Variants in KDM4C observed in about 807,000 individuals in gnomAD.
The protein encoded by KDM4C is lysine demethylase 4C.
Under a neutral mutation model 129.3 loss-of-function variants are expected in KDM4C, and 81 were observed. The observed-to-expected ratio is 0.63, with a 90% CI of 0.52 to 0.75. The LOEUF (loss-of-function observed/expected upper bound fraction) is 0.75, where lower values mean the gene tolerates loss of function less well. Among genes scored for constraint, KDM4C ranks in the 30% least tolerant of loss-of-function variants. The probability of loss-of-function intolerance (pLI) is 0.00; values close to 1 mark genes in which losing one functional copy is unlikely to be tolerated. For missense variants in KDM4C, 1,457 were observed against 1,304.0 expected (o/e 1.12, Z -1.81); for synonymous variants, 573 against 456.1 (o/e 1.26, Z -3.26).
rs1056100628 is a variant in KDM4C at position 6,927,095 on chromosome 9, C to T, written c.921+33863C>T. 2.1e-5 allele frequency among the ~76,000 whole-genome samples: 3 copies of T among 143,766 alleles called. No homozygotes were observed. In the Admixed American group the frequency reaches 2.1e-4, roughly 10 times the overall value. The allele number at this position is 143,766 out of a possible 152,430, so 94.3% of individuals were successfully genotyped here. On this transcript the variant is annotated intron_variant, in intron 8 of 21. Coordinates refer to ENST00000381309, the MANE Select transcript of KDM4C (RefSeq NM_015061.6). The stretch of plus-strand genomic sequence containing the variant: ...TATCCTTTCAAAAAAAATTTTCTAT[C>T]TATCTATCTATCTATCTATCTATCT...
chr9:6,996,868 A>G (rs1176250899), intron 12 of KDM4C, among the ~76,000 whole-genome samples: 2 of 152,244 alleles, frequency 1.3e-5, no homozygotes, highest in African/African-American at 4.8e-5. Context: ...ATATTTGGCC[A>G]AACAAGTGTT....
chr9:6,987,146 A>G lies in KDM4C; in HGVS notation c.1677+480A>G, dbSNP rs146416085. Among the ~76,000 whole-genome samples the G allele has an allele frequency of 3.1e-3, 468 of 152,268 alleles. 4 individuals carry two copies. Among genetic ancestry groups the G allele is most frequent in the African/African-American group, 9.8e-3 (408 of 41,558 alleles). On this transcript the variant is annotated intron_variant, in intron 11 of 21. Transcript: ENST00000381309. ...ACTGATCACTTTCTGCCAATAGTTA[A>G]TACCTCCTGGTCCCAGCCTTCCCAC...
chr9:6,754,094 T>G (rs948401555), upstream of KDM4C, among the ~76,000 whole-genome samples: 4 of 152,014 alleles, frequency 2.6e-5, no homozygotes, highest in African/African-American at 9.7e-5. Flanking sequence ...CAGGATGGTC[T>G]CGATCTCCTG....
chr9:6,813,024 A>C (rs760220634), intron 3 of KDM4C, among the ~76,000 whole-genome samples: 1 of 151,976 alleles, frequency 6.6e-6, no homozygotes, highest in Non-Finnish European at 1.5e-5. Context: ...AAAAATACAA[A>C]ATTAGCCAGG....
At chr9:7,076,025 G>A (rs904243772) in intron 17 of KDM4C, among the ~76,000 whole-genome samples, 4 of 152,120 alleles carry the variant, frequency 2.6e-5, no homozygotes, top group African/African-American at 9.7e-5. Context: ...GAACATTTAT[G>A]GCATGTGAGC....
At chr9:6,844,272 A>G (rs1316295885) in intron 4 of KDM4C, among the ~76,000 whole-genome samples, 1 of 150,386 alleles carries the variant, frequency 6.6e-6, no homozygotes, top group Non-Finnish European at 1.5e-5. Flanking sequence ...AAGTTTTTCT[A>G]ATTTACACTA....
intron 1 of KDM4C, among the ~76,000 whole-genome samples, chr9:6,786,748 T>C (rs907036463): frequency 2.0e-5 from 3 of 152,124 alleles, no homozygotes; most frequent in African/African-American, 7.2e-5. Flanking sequence ...TAGGAAGAAC[T>C]CAAGGAACAG....
chr9:7,093,438 A>G (rs1172245479), intron 17 of KDM4C, among the ~76,000 whole-genome samples: 1 of 152,182 alleles, frequency 6.6e-6, no homozygotes, highest in African/African-American at 2.4e-5. Flanking sequence ...TAATTACACC[A>G]TGATGTTCTT....
chr9:7,088,084 C>A (rs1452058500), intron 17 of KDM4C, among the ~76,000 whole-genome samples: 1 of 152,206 alleles, frequency 6.6e-6, no homozygotes, highest in Non-Finnish European at 1.5e-5. Flanking sequence ...TGGACAGTGT[C>A]TTTAGCAGGA....
intron 8 of KDM4C, among the ~76,000 whole-genome samples, chr9:6,945,658 T>A (rs1027518720): frequency 2.0e-5 from 3 of 152,178 alleles, no homozygotes; most frequent in African/African-American, 7.2e-5. Flanking sequence ...TTTAACTATA[T>A]TTTAGATTTT....
chr9:6,924,908 G>C, intron 8 of KDM4C: 2 of 984,772 alleles, frequency 2.0e-6, no homozygotes, highest in Non-Finnish European at 2.4e-6. Flanking sequence ...GTTGGTCAGA[G>C]TACAGCCTTT....
chr9:7,121,445 G>C (rs1372497595), intron 18 of KDM4C, among the ~76,000 whole-genome samples: 2 of 152,126 alleles, frequency 1.3e-5, no homozygotes, highest in African/African-American at 4.8e-5. Context: ...CATTACTTCT[G>C]CTATATTCTT....
chr9:7,103,932 C>T, intron 18 of KDM4C, 62 bp downstream of exon 18: 3 of 1,430,676 alleles, frequency 2.1e-6, no homozygotes, highest in South Asian at 1.2e-5. Context: ...CTGTTTTAGA[C>T]TACCTCCCAG....
chr9:6,813,938 G>T (rs1260269568), intron 3 of KDM4C, among the ~76,000 whole-genome samples: 6 of 152,098 alleles, frequency 3.9e-5, no homozygotes, highest in African/African-American at 1.4e-4. Context: ...ATTACTAGTT[G>T]ATGGATATAA....
intron 17 of KDM4C, among the ~76,000 whole-genome samples, chr9:7,071,313 A>G (rs1833162220): frequency 6.6e-6 from 1 of 152,190 alleles, no homozygotes; most frequent in Admixed American, 6.5e-5. Flanking sequence ...GAATTCTAAA[A>G]TTTATGTGGA....
Position 6,916,354 on chromosome 9 carries a change from G to GTT in KDM4C, c.921+23134_921+23135dup, listed in dbSNP as rs113553834. ...TAATGTGTTTGCAATTTTAATGAGA[G>GTT]TTTTTTTTTTTTTGAAACAGGGTCT... On this transcript the variant is annotated intron_variant, in intron 8 of 21. Transcript: ENST00000381309. Among the ~76,000 whole-genome samples the GTT allele has an allele frequency of 2.1e-3, 303 of 145,356 alleles. 1 individual carries two copies. Among genetic ancestry groups the GTT allele is most frequent in the African/African-American group, 7.1e-3 (282 of 39,906 alleles).
At chr9:6,860,006 G>C (rs1461126914) in intron 5 of KDM4C, among the ~76,000 whole-genome samples, 1 of 152,146 alleles carries the variant, frequency 6.6e-6, no homozygotes, top group Non-Finnish European at 1.5e-5. Flanking sequence ...AAAGATGAAG[G>C]AGTAGGCAAG....
intron 8 of KDM4C, among the ~76,000 whole-genome samples, chr9:6,940,921 T>C (rs1157330426): frequency 2.6e-5 from 4 of 152,230 alleles, no homozygotes; most frequent in African/African-American, 9.6e-5. Flanking sequence ...TTTTGGCTGC[T>C]CTACATTGGG....
intron 1 of KDM4C, among the ~76,000 whole-genome samples, chr9:6,785,764 G>A (rs1320321257): frequency 6.6e-6 from 1 of 152,222 alleles, no homozygotes; most frequent in Non-Finnish European, 1.5e-5. Flanking sequence ...CACAGGTGTT[G>A]GGGGTTAGGT....
Sources: allele counts gnomAD v4.1 joint callset (sites outside exome capture counted in the v4.1 genomes callset), GRCh38; gene constraint gnomAD v4.1.1; transcripts MANE v1.5; gene names NCBI Gene and HGNC (gene_info 2026-07-23, HGNC 2026-07-21).